Variants in RABGAP1L observed in about 807,000 individuals in gnomAD.
RABGAP1L encodes rab GTPase-activating protein 1-like.
A neutral mutation model predicts 137.7 loss-of-function variants in RABGAP1L; 63 were observed. The observed-to-expected ratio is 0.46, with a 90% confidence interval of 0.37 to 0.56. The LOEUF is 0.56. RABGAP1L is among the 20% of genes least tolerant of loss of function. The pLI, the probability that RABGAP1L is intolerant of heterozygous loss-of-function variation, is 0.00. For missense variants in RABGAP1L, 1,095 were observed against 1,244.0 expected, an observed-to-expected ratio of 0.88 and a Z score of 1.80; for synonymous variants, 431 against 433.7, an observed-to-expected ratio of 0.99 and a Z score of 0.08.
At chr1:174,357,792 C>T (rs1165076521) in intron 11 of RABGAP1L, among the ~76,000 whole-genome samples, 1 of 152,218 alleles carries the variant, frequency 6.6e-6, no homozygotes, top group Non-Finnish European at 1.5e-5. Context: ...AATGTCTCCA[C>T]TTTCCTCTCA....
In RABGAP1L at chr1:174,490,818, C is replaced by A. The variant is rs78183281; in HGVS notation, c.1710+96673C>A. ...TTCCCGTTCTTCCCTCCTCTTTCCACAAGCAGAGGAGCCTCAGCCCACGGC... is the reference window on the plus strand; with the variant it reads ...TTCCCGTTCTTCCCTCCTCTTTCCAAAAGCAGAGGAGCCTCAGCCCACGGC... On this transcript the variant is annotated intron_variant, in intron 13 of 25. Coordinates refer to ENST00000681986, the MANE Select transcript of RABGAP1L (RefSeq NM_001366446.1). Among the ~76,000 whole-genome samples, 609 of 152,182 alleles carry A rather than the reference C, an allele frequency of 4.0e-3. 4 individuals are homozygous for A. The highest frequency in any genetic ancestry group is 0.014 in the African/African-American group (597 of 41,514).
At chr1:174,689,969 C>T (rs1678759900) in intron 15 of RABGAP1L, among the ~76,000 whole-genome samples, 2 of 152,170 alleles carry the variant, frequency 1.3e-5, no homozygotes, top group Non-Finnish European at 2.9e-5. Flanking sequence ...ACTTCCAAAT[C>T]ACTTTTCCTT....
At chr1:174,974,043 C>A (rs1049197293) in intron 21 of RABGAP1L, among the ~76,000 whole-genome samples, 1 of 134,170 alleles carries the variant, frequency 7.5e-6, no homozygotes, top group Admixed American at 9.1e-5. Flanking sequence ...GGCTGGAATG[C>A]AGTGGCAAGA....
chr1:174,807,364 A>G (rs1008625432), intron 18 of RABGAP1L, among the ~76,000 whole-genome samples: 3 of 152,340 alleles, frequency 2.0e-5, no homozygotes, highest in Non-Finnish European at 4.4e-5. Flanking sequence ...TCTTTTAAAA[A>G]AAAAGCCAAA....
chr1:174,958,073 A>T (rs1668760383), intron 20 of RABGAP1L: 3 of 1,521,322 alleles, frequency 2.0e-6, no homozygotes. Flanking sequence ...TAGCAGGTGA[A>T]CTGTTCCAAG....
intron 19 of RABGAP1L, chr1:174,849,535 AG>A (rs1489230280): frequency 3.1e-6 from 1 of 317,520 alleles, no homozygotes; most frequent in African/African-American, 2.2e-5. Context: ...CTGAAAAGTC[AG>A]GGAGGTCAAT....
chr1:174,333,663 T>G (rs1388121263), intron 11 of RABGAP1L, among the ~76,000 whole-genome samples: 1 of 152,218 alleles, frequency 6.6e-6, no homozygotes, highest in East Asian at 1.9e-4. Context: ...TATCATATTT[T>G]AGCCCCTGAG....
At chr1:174,357,959 A>G (rs1034287555) in intron 11 of RABGAP1L, among the ~76,000 whole-genome samples, 3 of 152,222 alleles carry the variant, frequency 2.0e-5, no homozygotes, top group African/African-American at 7.2e-5. Flanking sequence ...ACTCTCTAAG[A>G]TAAGTACTGT....
intron 19 of RABGAP1L, among the ~76,000 whole-genome samples, chr1:174,880,685 G>T (rs1489340865): frequency 1.3e-5 from 2 of 151,956 alleles, no homozygotes; most frequent in Non-Finnish European, 2.9e-5. Context: ...AAAGTCCTGG[G>T]CTCAAGCAGT....
chr1:174,474,192 ATTAT>A (rs1398008377), intron 13 of RABGAP1L, among the ~76,000 whole-genome samples: 3 of 152,162 alleles, frequency 2.0e-5, no homozygotes, highest in African/African-American at 4.8e-5. Context: ...TTCCATGGAA[ATTAT>A]TTATTCAATT....
rs892284639 is a variant in RABGAP1L at position 174,885,512 on chromosome 1, C to T, written c.2341-71945C>T. Among the ~76,000 whole-genome samples the T allele has an allele frequency of 8.7e-5, 13 of 150,216 alleles. No homozygotes were observed. In the South Asian group the frequency reaches 1.5e-3, roughly 17 times the overall value. On this transcript the variant is annotated intron_variant, in intron 19 of 25. Transcript: ENST00000681986. ...AGCTAGGTGTACAGGTGCATGTCAC[C>T]GTGCCTGGCTAATTTTTTATTTTTG...
chr1:174,378,562 T>C (rs1210864952), intron 12 of RABGAP1L, among the ~76,000 whole-genome samples: 1 of 152,054 alleles, frequency 6.6e-6, no homozygotes, highest in Admixed American at 6.6e-5. Context: ...TTTCATGTGT[T>C]TTTTGGCTGC....
At chr1:174,182,128 A>G (rs1015934702) in intron 1 of RABGAP1L, among the ~76,000 whole-genome samples, 8 of 151,808 alleles carry the variant, frequency 5.3e-5, no homozygotes, top group African/African-American at 1.7e-4. Context: ...TCCTCCGTGG[A>G]CTGTTGAGTA....
At chr1:174,975,249 T>C (rs977161864) in intron 21 of RABGAP1L, among the ~76,000 whole-genome samples, 3 of 152,236 alleles carry the variant, frequency 2.0e-5, no homozygotes, top group Non-Finnish European at 4.4e-5. Context: ...CATGTGTAAG[T>C]TGTCATTACA....
At chr1:174,946,990 G>A (rs867419113) in intron 19 of RABGAP1L, among the ~76,000 whole-genome samples, 1,349 of 92,352 alleles carry the variant, frequency 0.015, 43 homozygotes, top group African/African-American at 0.048. Flanking sequence ...GTATATATAT[G>A]TATATATATA....
chr1:174,510,067 A>G (rs1045776553), intron 13 of RABGAP1L, among the ~76,000 whole-genome samples: 1 of 152,152 alleles, frequency 6.6e-6, no homozygotes, highest in African/African-American at 2.4e-5. Flanking sequence ...TAAGAACTGG[A>G]CTGGTAATGC....
intron 13 of RABGAP1L, among the ~76,000 whole-genome samples, chr1:174,493,250 T>C (rs1354650418): frequency 6.7e-6 from 1 of 150,326 alleles, no homozygotes; most frequent in African/African-American, 2.5e-5. Context: ...TAGTCCTAGC[T>C]ACTTGGGAGA....
At chr1:174,795,957 A>C (rs775910364) in intron 18 of RABGAP1L, among the ~76,000 whole-genome samples, 1 of 152,000 alleles carries the variant, frequency 6.6e-6, no homozygotes, top group Admixed American at 6.6e-5. Context: ...TGTGTTAATA[A>C]AGTTCTGTTT....
chr1:174,311,278 G>A (rs1678820087), intron 11 of RABGAP1L, among the ~76,000 whole-genome samples: 1 of 152,108 alleles, frequency 6.6e-6, no homozygotes, highest in Non-Finnish European at 1.5e-5. Context: ...AAAGGGAAGA[G>A]CCCCCTTATA....
Sources: allele counts gnomAD v4.1 joint callset (sites outside exome capture counted in the v4.1 genomes callset), GRCh38; gene constraint gnomAD v4.1.1; transcripts MANE v1.5; gene names NCBI Gene and HGNC (gene_info 2026-07-23, HGNC 2026-07-21).